The following LRIF1 variants were observed in gnomAD, a reference collection of about 807,000 sequenced individuals.
LRIF1 encodes the protein ligand-dependent nuclear receptor-interacting factor 1.
Under a neutral mutation model 52.7 loss-of-function variants are expected in LRIF1, and 32 were observed. That is an observed-to-expected ratio of 0.61 (90% CI 0.46 to 0.82). LRIF1 has a LOEUF of 0.82. Ranked by LOEUF, LRIF1 falls within the 40% of genes least tolerant of loss-of-function variation. The pLI, the probability that LRIF1 is intolerant of heterozygous loss-of-function variation, is 0.00. For synonymous variants in LRIF1, 323 were observed against 317.4 expected (o/e 1.02, Z -0.19); for missense variants, 887 against 892.0 (o/e 0.99, Z 0.07).
chr1:110,962,001 T>C (rs1226554567), intron 1 of LRIF1, among the ~76,000 whole-genome samples: 2 of 151,634 alleles, frequency 1.3e-5, no homozygotes, highest in Non-Finnish European at 2.9e-5. Context: ...GAATGTAATT[T>C]GTAATTTAAA....
the LRIF1 span, chr1:110,941,144 A>G: frequency 6.6e-6 from 1 of 152,096 alleles, no homozygotes; most frequent in African/African-American, 2.4e-5. Flanking sequence ...AAAAGTTTAA[A>G]GTAAAAAAAG....
At chr1:110,900,470 G>T in the LRIF1 span, among the ~76,000 whole-genome samples, 1 of 152,096 alleles carries the variant, frequency 6.6e-6, no homozygotes, top group South Asian at 2.1e-4. Flanking sequence ...AAGTTCAAGC[G>T]ATTCTCCTGC....
the LRIF1 span, among the ~76,000 whole-genome samples, chr1:110,898,232 C>A: frequency 3.9e-5 from 6 of 152,070 alleles, no homozygotes; most frequent in African/African-American, 1.4e-4. Context: ...AAAAAATTAA[C>A]CAGACGTAGT....
chr1:110,920,760 G>T, the LRIF1 span, among the ~76,000 whole-genome samples: 652 of 152,304 alleles, frequency 4.3e-3, 14 homozygotes, highest in East Asian at 0.016. Flanking sequence ...GTCGATAGTG[G>T]AAGAAGCGGT....
At chr1:110,932,664 T>A in the LRIF1 span, among the ~76,000 whole-genome samples, 1,856 of 152,272 alleles carry the variant, frequency 0.012, 40 homozygotes, top group African/African-American at 0.042. Flanking sequence ...TTTGTTGGTA[T>A]CTGCTAGGTT....
At chr1:110,935,881 G>A in the LRIF1 span, among the ~76,000 whole-genome samples, 1 of 151,570 alleles carries the variant, frequency 6.6e-6, no homozygotes, top group South Asian at 2.1e-4. Context: ...CTCCAAAGAA[G>A]ACTACCTCAA....
intron 1 of LRIF1, among the ~76,000 whole-genome samples, chr1:110,956,073 T>C (rs1319408491): frequency 6.6e-6 from 1 of 152,208 alleles, no homozygotes; most frequent in Non-Finnish European, 1.5e-5. Flanking sequence ...ATGGGTTTTA[T>C]TTTCTTTATG....
chr1:110,887,039 T>C, the LRIF1 span, among the ~76,000 whole-genome samples: 6 of 149,214 alleles, frequency 4.0e-5, no homozygotes, highest in East Asian at 1.2e-3. Flanking sequence ...CTTTTTATAC[T>C]TTCCATGTCT....
chr1:110,935,598 A>C, the LRIF1 span, among the ~76,000 whole-genome samples: 1 of 152,244 alleles, frequency 6.6e-6, no homozygotes, highest in South Asian at 2.1e-4. Context: ...AGAATTGATC[A>C]GGCGGAAGAA....
the LRIF1 span, among the ~76,000 whole-genome samples, chr1:110,929,692 T>C: frequency 6.6e-6 from 1 of 152,112 alleles, no homozygotes; most frequent in Non-Finnish European, 1.5e-5. Context: ...CAAAAAAGAA[T>C]GAGATCATGT....
At chr1:110,912,806 T>A in the LRIF1 span, among the ~76,000 whole-genome samples, 6 of 152,212 alleles carry the variant, frequency 3.9e-5, no homozygotes, top group Admixed American at 2.6e-4. Context: ...CAATGTCATT[T>A]TTTACAGAAT....
chr1:110,958,958 CCTT>C (rs1269442318), intron 1 of LRIF1, among the ~76,000 whole-genome samples: 2 of 152,290 alleles, frequency 1.3e-5, no homozygotes, highest in Admixed American at 1.3e-4. Context: ...AATTCGTACT[CCTT>C]CTATCAATAT....
chr1:110,900,750 CAAA>C, the LRIF1 span, among the ~76,000 whole-genome samples: 5 of 112,536 alleles, frequency 4.4e-5, no homozygotes, highest in African/African-American at 7.2e-5. Flanking sequence ...AGCTCACACT[CAAA>C]AAAAAAAAAA....
At chr1:110,918,423 A>G in the LRIF1 span, among the ~76,000 whole-genome samples, 2 of 152,248 alleles carry the variant, frequency 1.3e-5, no homozygotes, top group Admixed American at 6.5e-5. Context: ...TTAAAAATGT[A>G]TCATAGTTGA....
At chr1:110,946,622 T>C (rs1658211461), downstream of LRIF1, among the ~76,000 whole-genome samples, 2 of 151,720 alleles carry the variant, frequency 1.3e-5, no homozygotes, top group Admixed American at 6.6e-5. Context: ...TTTTTTTCTT[T>C]AACCTCTCTT....
At chr1:110,899,282 A>G in the LRIF1 span, 1 of 919,768 alleles carries the variant, frequency 1.1e-6, no homozygotes, top group Non-Finnish European at 1.8e-6. Flanking sequence ...TGATCACTGC[A>G]GGATGATCCT....
intron 1 of LRIF1, chr1:110,963,398 C>T: frequency 2.8e-6 from 1 of 351,884 alleles, no homozygotes; most frequent in Non-Finnish European, 5.3e-6. Flanking sequence ...CGCTGGGGTC[C>T]CGCGGAGCCG....
intron 3 of LRIF1, 64 bp from the exon 4 acceptor site, chr1:110,948,463 A>T (rs2101103333): frequency 6.7e-7 from 1 of 1,502,210 alleles, no homozygotes; most frequent in South Asian, 1.3e-5. Context: ...ACCGGGTACT[A>T]CCAAACTTAA....
the LRIF1 span, among the ~76,000 whole-genome samples, chr1:110,929,266 T>G: frequency 6.6e-6 from 1 of 152,210 alleles, no homozygotes; most frequent in Admixed American, 6.5e-5. Flanking sequence ...TTTCTATTCC[T>G]TTGGGTATAT....
Sources: gnomAD v4.1 joint callset for allele counts (sites outside exome capture counted in the v4.1 genomes callset) on GRCh38, gnomAD v4.1.1 for gene constraint, MANE v1.5 for transcripts, NCBI Gene and HGNC (gene_info 2026-07-23, HGNC 2026-07-21) for gene names.